DHX15: variants seen among roughly 807,000 people sequenced by gnomAD.
DHX15 encodes the protein DEAH-box helicase 15, also known as ATP-dependent RNA helicase DHX15.
DHX15 carries 11 observed loss-of-function variants against 94.4 expected under a neutral mutation model. The ratio of observed to expected loss-of-function variants is 0.12; its 90% confidence interval spans 0.07 to 0.19. The LOEUF (loss-of-function observed/expected upper bound fraction) is 0.19. Among genes scored for constraint, DHX15 ranks in the 10% least tolerant of loss-of-function variants. The probability of loss-of-function intolerance (pLI) is 1.00; values close to 1 mark genes in which losing one functional copy is unlikely to be tolerated. For synonymous variants in DHX15, 338 were observed against 329.9 expected, an observed-to-expected ratio of 1.02 and a Z score of -0.27; for missense variants, 304 against 988.5, an observed-to-expected ratio of 0.31 and a Z score of 9.29.
chr4:24,555,009 C>T (rs950104093), intron 4 of DHX15, 66 bp from the exon 5 acceptor site: 5 of 1,253,376 alleles, frequency 4.0e-6, no homozygotes, highest in South Asian at 3.8e-5. Context: ...TACAGTATAG[C>T]AATATTTACT....
intron 8 of DHX15, 93 bp downstream of exon 8, chr4:24,541,780 G>A: frequency 7.7e-7 from 1 of 1,299,876 alleles, no homozygotes; most frequent in South Asian, 1.7e-5. Flanking sequence ...AATCCTAAAA[G>A]GCAAGATTAA....
At chr4:24,547,903 GTATATATATATATATATATATATA>G (rs869194543) in intron 6 of DHX15, among the ~76,000 whole-genome samples, 17 of 70,736 alleles carry the variant, frequency 2.4e-4, no homozygotes, top group East Asian at 3.1e-4. Flanking sequence ...GTATGTATGT[GTATATATATATATATATATATATA>G]TATATATATA....
At chr4:24,557,994 A>C (rs1229965280) in intron 3 of DHX15, among the ~76,000 whole-genome samples, 1 of 148,456 alleles carries the variant, frequency 6.7e-6, no homozygotes, top group Non-Finnish European at 1.5e-5. Flanking sequence ...AAAAAAAAAA[A>C]GGATTGGTTA....
At chr4:24,572,408 T>C (rs1307576430) in intron 2 of DHX15, among the ~76,000 whole-genome samples, 4 of 152,198 alleles carry the variant, frequency 2.6e-5, no homozygotes, top group African/African-American at 7.2e-5. Flanking sequence ...AGTGCTGGGA[T>C]TATAGGCGTG....
intron 3 of DHX15, among the ~76,000 whole-genome samples, chr4:24,560,601 A>T (rs1242948000): frequency 6.6e-6 from 1 of 152,178 alleles, no homozygotes. Context: ...AGCTCCTACA[A>T]ATCTATAAGA....
chr4:24,548,141 T>C (rs940908244), intron 6 of DHX15, among the ~76,000 whole-genome samples: 2 of 63,158 alleles, frequency 3.2e-5, no homozygotes, highest in African/African-American at 6.0e-5. Context: ...TCAGTGCTAC[T>C]TTTTTTTTTT....
At chr4:24,583,328 C>A (rs1380157547) in intron 1 of DHX15, among the ~76,000 whole-genome samples, 1 of 152,126 alleles carries the variant, frequency 6.6e-6, no homozygotes, top group African/African-American at 2.4e-5. Context: ...TCTGGAACAC[C>A]AAGAGTTTGT....
chr4:24,580,125 G>A (rs909726644), intron 1 of DHX15, among the ~76,000 whole-genome samples: 1 of 152,200 alleles, frequency 6.6e-6, no homozygotes, highest in African/African-American at 2.4e-5. Context: ...TCTACATGGA[G>A]GGCAAGACCT....
chr4:24,570,973 C>T lies in DHX15; in HGVS notation c.508-126G>A. 4 of 961,584 alleles carry T rather than the reference C, an allele frequency of 4.2e-6. No homozygotes were observed. In the South Asian group the frequency reaches 6.9e-5, roughly 17 times the overall value. The allele number at this position is 961,584 out of a possible 1,614,324, so 59.6% of individuals were successfully genotyped here. On this transcript the variant is annotated intron_variant, in intron 2 of 13. Coordinates refer to ENST00000336812, the MANE Select transcript of DHX15 (RefSeq NM_001358.3). ...TCCAATTAGGCAAATGACTATAAGA[C>T]TTGTGATTCAAAACTTGTAACAACA... is the stretch of plus-strand genomic sequence containing the variant.
At chr4:24,545,299 C>G (rs1184207506) in intron 6 of DHX15, among the ~76,000 whole-genome samples, 1 of 152,192 alleles carries the variant, frequency 6.6e-6, no homozygotes, top group African/African-American at 2.4e-5. Context: ...AAAAATTTCT[C>G]ATGTGACCAA....
intron 1 of DHX15, chr4:24,580,728 G>C (rs1038205102): frequency 6.6e-6 from 1 of 151,992 alleles, no homozygotes; most frequent in East Asian, 1.9e-4. Context: ...ACCTTGGCCA[G>C]GCTGGTCTTG....
chr4:24,547,673 G>C (rs1443662885), intron 6 of DHX15, among the ~76,000 whole-genome samples: 1 of 151,794 alleles, frequency 6.6e-6, no homozygotes, highest in Non-Finnish European at 1.5e-5. Context: ...GCTGAGGGCT[G>C]GGCGTAGTGG....
Position 24,584,413 on chromosome 4 carries a change from G to T in DHX15, c.-20C>A. 1 of 1,608,634 alleles carries T rather than the reference G, an allele frequency of 6.2e-7. No homozygotes were observed. Among genetic ancestry groups the T allele is most frequent in the Non-Finnish European group, 8.5e-7 (1 of 1,177,820 alleles). On this transcript the variant is annotated 5_prime_UTR_variant, in exon 1 of 14. Coordinates refer to ENST00000336812, the MANE Select transcript of DHX15 (RefSeq NM_001358.3). ...GGACATCCTCGCACTCTTCGAACGG[G>T]CAGTTATTAAGGAAGAAAGCTGGCT... is the stretch of plus-strand genomic sequence containing the variant.
intron 6 of DHX15, among the ~76,000 whole-genome samples, chr4:24,547,690 C>A (rs1721454073): frequency 6.6e-6 from 1 of 151,548 alleles, no homozygotes; most frequent in South Asian, 2.1e-4. Context: ...GTGGCTAATG[C>A]CTGTAGTCCT....
Position 24,584,338 on chromosome 4 carries a change from C to A in DHX15, c.56G>T (p.Arg19Leu). The change falls in exon 1 of 14, where the codon CGT becomes CTT. Residue 19 changes from arginine (R) to leucine (L), a missense_variant. Physicochemically the swap from Arg to Leu is moderately radical, Grantham distance 102. Coordinates refer to ENST00000336812, the MANE Select transcript of DHX15 (RefSeq NM_001358.3). ...LGEDYPSGKK[R>L]AGTDGKDRDR... ...CCTGGCTTACCCATCGGTCCCCGCA[C>A]GCTTCTTGCCAGAGGGGTAATCCTC... is the stretch of plus-strand genomic sequence containing the variant. 6.2e-7 allele frequency: 1 copy of A among 1,612,932 alleles called. No individual in the cohort carries two copies. Among genetic ancestry groups the A allele is most frequent in the Non-Finnish European group, 8.5e-7 (1 of 1,179,604 alleles).
chr4:24,540,328 C>T (rs187334769), intron 9 of DHX15, 29 bp from the exon 10 acceptor site: 2 of 1,580,754 alleles, frequency 1.3e-6, no homozygotes, highest in Non-Finnish European at 8.6e-7. Flanking sequence ...CTATTAGACA[C>T]GGTGCCTTAA....
At chr4:24,534,761 A>T (rs1721159823) in intron 11 of DHX15, among the ~76,000 whole-genome samples, 2 of 152,206 alleles carry the variant, frequency 1.3e-5, no homozygotes, top group East Asian at 1.9e-4. Context: ...TTCACTATGT[A>T]ATCAACTATT....
intron 6 of DHX15, among the ~76,000 whole-genome samples, chr4:24,548,579 G>A (rs1376027914): frequency 6.6e-6 from 1 of 152,236 alleles, no homozygotes; most frequent in Non-Finnish European, 1.5e-5. Context: ...TTTATAACAA[G>A]TGATTTAATA....
intron 3 of DHX15, among the ~76,000 whole-genome samples, chr4:24,567,657 A>G (rs1722022805): frequency 6.6e-6 from 1 of 152,218 alleles, no homozygotes; most frequent in South Asian, 2.1e-4. Context: ...AGAAGCCAAC[A>G]ACCTCTCCTT....
Sources: gnomAD v4.1 joint callset for allele counts (sites outside exome capture counted in the v4.1 genomes callset) on GRCh38, gnomAD v4.1.1 for gene constraint, MANE v1.5 for transcripts, NCBI Gene and HGNC (gene_info 2026-07-23, HGNC 2026-07-21) for gene names.